PRICKLE2: variants seen among roughly 807,000 people sequenced by gnomAD.
The protein encoded by PRICKLE2 is prickle-like protein 2.
In PRICKLE2, 21 loss-of-function variants were observed where a neutral mutation model predicts 81.4. The observed-to-expected ratio is 0.26, with a 90% CI of 0.18 to 0.37. The LOEUF is 0.37. PRICKLE2 is among the 10% of genes least tolerant of loss of function. PRICKLE2 has a pLI of 1.00. For synonymous variants in PRICKLE2, 456 were observed against 421.5 expected, an observed-to-expected ratio of 1.08 and a Z score of -1.00; for missense variants, 940 against 1,109.0, an observed-to-expected ratio of 0.85 and a Z score of 2.16.
chr3:64,198,260 C>A (rs200419534), intron 2 of PRICKLE2, among the ~76,000 whole-genome samples: 45 of 136,748 alleles, frequency 3.3e-4, no homozygotes, highest in African/African-American at 1.3e-3. Flanking sequence ...ATAAATAAAA[C>A]AAAAAAAATT....
intron 7 of PRICKLE2, among the ~76,000 whole-genome samples, chr3:64,110,101 A>G (rs562444589): frequency 6.6e-6 from 1 of 152,370 alleles, no homozygotes; most frequent in East Asian, 1.9e-4. Flanking sequence ...ACTCAGCTCC[A>G]TGGGGGATTC....
In PRICKLE2 at chr3:64,143,454, G is replaced by A. The variant is rs140330123; in HGVS notation, c.1660+3376C>T. 4.5e-3 allele frequency among the ~76,000 whole-genome samples: 689 copies of A among 152,210 alleles called. 5 individuals carry two copies. Among genetic ancestry groups the A allele is most frequent in the African/African-American group, 0.016 (651 of 41,548 alleles). ...TAAATCTCCCATGATGTCTTCTTTAGGAATGGAAACCGCGTCCACTCCCTC... is the reference window on the plus strand; with the variant it reads ...TAAATCTCCCATGATGTCTTCTTTAAGAATGGAAACCGCGTCCACTCCCTC... On this transcript the variant is annotated intron_variant, in intron 7 of 7. Coordinates refer to ENST00000638394, the MANE Select transcript of PRICKLE2 (RefSeq NM_198859.4).
chr3:64,225,015 C>T lies in PRICKLE2; in HGVS notation c.-146G>A, dbSNP rs539401922. ...TCTCCCTGGATCTGACTTCTAAGAACGCAAGCAGGACCTCAGGCAGCCAAA... is the reference window on the plus strand; with the variant it reads ...TCTCCCTGGATCTGACTTCTAAGAATGCAAGCAGGACCTCAGGCAGCCAAA... On this transcript the variant is annotated 5_prime_UTR_variant, in exon 1 of 8. Coordinates refer to ENST00000638394, the MANE Select transcript of PRICKLE2 (RefSeq NM_198859.4). 191 of 985,380 alleles carry T rather than the reference C, an allele frequency of 1.9e-4. No individual in the cohort carries two copies. The highest frequency in any genetic ancestry group is 2.4e-4 in the African/African-American group (14 of 57,286). The allele number at this position is 985,380 out of a possible 1,614,324, so 61.0% of individuals were successfully genotyped here. A position where few individuals can be genotyped will look rare whatever the true frequency, so the allele number is the denominator to read the frequency against.
intron 7 of PRICKLE2, among the ~76,000 whole-genome samples, chr3:64,107,346 G>T (rs1424819959): frequency 6.6e-6 from 1 of 152,182 alleles, no homozygotes; most frequent in Non-Finnish European, 1.5e-5. Flanking sequence ...AATGCTCAAG[G>T]TCTGATGGAA....
chr3:64,234,214 A>T (rs2079148095), intron 2 of PRICKLE2, among the ~76,000 whole-genome samples: 1 of 152,132 alleles, frequency 6.6e-6, no homozygotes, highest in Admixed American at 6.5e-5. Context: ...GTATAACTCT[A>T]GGTTTAACAT....
intron 2 of PRICKLE2, among the ~76,000 whole-genome samples, chr3:64,236,060 T>C (rs886979758): frequency 1.3e-5 from 2 of 152,196 alleles, no homozygotes; most frequent in Non-Finnish European, 2.9e-5. Context: ...ATTTGTTGTA[T>C]ACCCTTGGGA....
At chr3:64,196,594 C>A (rs1162437257) in intron 2 of PRICKLE2, among the ~76,000 whole-genome samples, 2 of 152,128 alleles carry the variant, frequency 1.3e-5, no homozygotes, top group African/African-American at 4.8e-5. Flanking sequence ...AACTCACAGA[C>A]TGGGAGAAAG....
At chr3:64,175,928 A>G (rs1004845819) in intron 2 of PRICKLE2, among the ~76,000 whole-genome samples, 7 of 152,282 alleles carry the variant, frequency 4.6e-5, no homozygotes, top group African/African-American at 1.7e-4. Context: ...GTGGCCTAGG[A>G]CTGGTTTGGC....
At chr3:64,108,386 G>A (rs949275576) in intron 7 of PRICKLE2, among the ~76,000 whole-genome samples, 14 of 152,078 alleles carry the variant, frequency 9.2e-5, no homozygotes, top group African/African-American at 2.4e-4. Flanking sequence ...TAAGTCAATC[G>A]ATTTCCTCAA....
Position 64,138,524 on chromosome 3 carries a change from G to C in PRICKLE2, c.1660+8306C>G, listed in dbSNP as rs1159019299. Among the ~76,000 whole-genome samples, 5 of 152,184 alleles carry C rather than the reference G, an allele frequency of 3.3e-5. 1 individual carries two copies. ...TGCCTGAGACTGAAGCCAGTGTACA[G>C]GGAACAAGAACTCAGAGACAGAAAG... On this transcript the variant is annotated intron_variant, in intron 7 of 7. Coordinates refer to ENST00000638394, the MANE Select transcript of PRICKLE2 (RefSeq NM_198859.4).
intron 2 of PRICKLE2, among the ~76,000 whole-genome samples, chr3:64,233,965 T>G (rs1176847027): frequency 6.6e-6 from 1 of 152,196 alleles, no homozygotes; most frequent in Non-Finnish European, 1.5e-5. Context: ...CTTCACCTAG[T>G]GTATTTTTGG....
chr3:64,127,950 G>A (rs1200200805), intron 7 of PRICKLE2, among the ~76,000 whole-genome samples: 3 of 152,120 alleles, frequency 2.0e-5, no homozygotes, highest in Non-Finnish European at 2.9e-5. Flanking sequence ...TGAAAAGAGA[G>A]TGGGGCTTGA....
chr3:64,218,998 C>T (rs1037657883), intron 1 of PRICKLE2, among the ~76,000 whole-genome samples: 3 of 152,124 alleles, frequency 2.0e-5, no homozygotes, highest in African/African-American at 7.2e-5. Flanking sequence ...AACACACTGC[C>T]CACTGACACC....
intron 2 of PRICKLE2, among the ~76,000 whole-genome samples, chr3:64,265,681 A>G (rs1315414968): frequency 6.6e-6 from 1 of 152,190 alleles, no homozygotes; most frequent in Admixed American, 6.5e-5. Context: ...CAAACCCAAC[A>G]CAAGACCACT....
chr3:64,142,026 A>C (rs2077370016), intron 7 of PRICKLE2: 1 of 830,068 alleles, frequency 1.2e-6, no homozygotes. Context: ...AGCAAAATTC[A>C]AATGTAAACA....
intron 7 of PRICKLE2, among the ~76,000 whole-genome samples, chr3:64,109,592 G>T (rs1298568939): frequency 6.6e-6 from 1 of 152,044 alleles, no homozygotes; most frequent in African/African-American, 2.4e-5. Flanking sequence ...TGGGGCAGGG[G>T]TGGGGGAGGA....
In PRICKLE2 at chr3:64,099,465, G is replaced by C. The variant is rs1278527320; in HGVS notation, c.2121C>G (p.Ala707=). The change falls in exon 8 of 8, where the codon GCC becomes GCG. Residue 707 remains alanine, a synonymous_variant. Coordinates refer to ENST00000638394, the MANE Select transcript of PRICKLE2 (RefSeq NM_198859.4). This position sits in a 1 kb window ranked among gnomAD's most constrained non-coding sequence, Gnocchi z 4.3. ...NALHLASERE[A]ISRLKDRPPL... Reference sequence around the variant, plus strand: ...GGGGCCTATCTTTTAACCGGGAGATGGCCTCGCGTTCGCTGGCCAGGTGGA... The same window carrying C: ...GGGGCCTATCTTTTAACCGGGAGATCGCCTCGCGTTCGCTGGCCAGGTGGA... The C allele has an allele frequency of 6.3e-7, 1 of 1,583,654 alleles. No individual in the cohort carries two copies. The highest frequency in any genetic ancestry group is 1.7e-5 in the Admixed American group (1 of 57,702).
intron 7 of PRICKLE2, among the ~76,000 whole-genome samples, chr3:64,125,118 G>A (rs2077086504): frequency 6.6e-6 from 1 of 152,152 alleles, no homozygotes; most frequent in Non-Finnish European, 1.5e-5. Flanking sequence ...TAACTTTGAG[G>A]GGTTCTAGAT....
At chr3:64,132,349 A>G (rs2077208821) in intron 7 of PRICKLE2, among the ~76,000 whole-genome samples, 1 of 152,148 alleles carries the variant, frequency 6.6e-6, no homozygotes, top group Non-Finnish European at 1.5e-5. Context: ...GGTTTGACCA[A>G]TGGGAAAAGA....
Sources: gnomAD v4.1 joint callset for allele counts (sites outside exome capture counted in the v4.1 genomes callset) on GRCh38, gnomAD v4.1.1 for gene constraint, Gnocchi (gnomAD v3.1) non-coding constraint, MANE v1.5 for transcripts, NCBI Gene and HGNC (gene_info 2026-07-23, HGNC 2026-07-21) for gene names.